The following SMIM5 variants were observed in gnomAD, a reference collection of about 807,000 sequenced individuals.
SMIM5 encodes the protein chromosome 17 open reading frame 109.
Under a neutral mutation model 4.0 loss-of-function variants are expected in SMIM5, and 4 were observed. The ratio of observed to expected loss-of-function variants is 1.01; its 90% CI spans 0.50 to 2.30. The LOEUF (loss-of-function observed/expected upper bound fraction) is 2.30. SMIM5 is among the 30% of genes most tolerant of loss of function. SMIM5 has a pLI of 0.02. For synonymous variants in SMIM5, 46 were observed against 43.6 expected, an observed-to-expected ratio of 1.05 and a Z score of -0.22; for missense variants, 107 against 99.2, an observed-to-expected ratio of 1.08 and a Z score of -0.34.
chr17:75,640,219 C>T lies in SMIM5; in HGVS notation c.18C>T (p.Phe6=), dbSNP rs758020883. MAATD[F]VQEMRAVGER... Reference sequence around the variant, plus strand: ...AGCGCGGCATGGCTGCCACCGACTTCGTGCAGGAGATGCGCGCCGTGGGCG... The same window carrying T: ...AGCGCGGCATGGCTGCCACCGACTTTGTGCAGGAGATGCGCGCCGTGGGCG... Residue 6 remains phenylalanine, a synonymous_variant, in exon 2 of 3, where the codon TTC becomes TTT. Coordinates refer to ENST00000375215, the MANE Select transcript of SMIM5 (RefSeq NM_001162995.3). This position sits in a 1 kb window ranked among gnomAD's most constrained non-coding sequence, Gnocchi z 4.6. The T allele has an allele frequency of 7.1e-5, 110 of 1,549,826 alleles. No homozygotes were observed. Among genetic ancestry groups the T allele is most frequent in the East Asian group, 3.2e-4 (13 of 40,900 alleles).
chr17:75,637,536 C>T (rs916711334), intron 1 of SMIM5: 9 of 152,358 alleles, frequency 5.9e-5, no homozygotes, highest in Non-Finnish European at 1.0e-4. Context: ...CCTGCTCCAC[C>T]TGGCCAGAGA....
In SMIM5 at chr17:75,636,870, C is replaced by T. The variant is rs2148269859; in HGVS notation, c.-37+2668C>T. The T allele has an allele frequency of 6.6e-6, 1 of 152,374 alleles. No individual in the cohort carries two copies. Among genetic ancestry groups the T allele is most frequent in the South Asian group, 2.1e-4 (1 of 4,830 alleles). 9.4% of individuals were successfully genotyped at this position (152,374 alleles called of 1,614,324 possible). On this transcript the variant is annotated intron_variant, in intron 1 of 2. Coordinates refer to ENST00000375215, the MANE Select transcript of SMIM5 (RefSeq NM_001162995.3). The surrounding 1 kb of genome is among the most constrained non-coding windows in gnomAD (Gnocchi z 5.4). The stretch of plus-strand genomic sequence containing the variant: ...CAGGATACCGTGAGTACCCCTGGGT[C>T]AGACCCTGGGGCTGGGTGAGGCTGG...
Position 75,640,050 on chromosome 17 carries a change from T to G in SMIM5, c.-36-116T>G. ...TGGAAGTCACCAGGGGTGCAATGTGTGAGACCTGACAAACTTGTTCTGCGG... is the reference window on the plus strand; with the variant it reads ...TGGAAGTCACCAGGGGTGCAATGTGGGAGACCTGACAAACTTGTTCTGCGG... On this transcript the variant is annotated intron_variant, in intron 1 of 2. Transcript: ENST00000375215. The surrounding 1 kb of genome is among the most constrained non-coding windows in gnomAD (Gnocchi z 4.6). The G allele has an allele frequency of 5.0e-5, 57 of 1,139,730 alleles. No individual in the cohort carries two copies. The highest frequency in any genetic ancestry group is 5.9e-5 in the Non-Finnish European group (49 of 835,066). 70.6% of individuals were successfully genotyped at this position (1,139,730 alleles called of 1,614,324 possible).
chr17:75,634,379 C>T (rs1413788858), intron 1 of SMIM5, among the ~76,000 whole-genome samples, 177 bp downstream of exon 1: 1 of 152,230 alleles, frequency 6.6e-6, no homozygotes, highest in African/African-American at 2.4e-5. Flanking sequence ...ACTCTCCCTG[C>T]TGCTGGGACC....
At position 75,640,913 on chromosome 17, in the gene SMIM5, T is replaced by C; in HGVS notation, c.*16T>C. 6.5e-7 allele frequency: 1 copy of C among 1,540,544 alleles called. No individual in the cohort carries two copies. The highest frequency in any genetic ancestry group is 8.7e-7 in the Non-Finnish European group (1 of 1,146,354). On this transcript the variant is annotated 3_prime_UTR_variant, in exon 3 of 3. Transcript: ENST00000375215. The surrounding 1 kb of genome is among the most constrained non-coding windows in gnomAD (Gnocchi z 4.6). ...ACCACCATGACGGACGGGCGATGGCTGAGGAGAAGCTGGAGAGGAGATGGC... is the reference window on the plus strand; with the variant it reads ...ACCACCATGACGGACGGGCGATGGCCGAGGAGAAGCTGGAGAGGAGATGGC...
intron 1 of SMIM5, chr17:75,639,385 AG>A (rs2059389372): frequency 6.6e-6 from 1 of 152,244 alleles, no homozygotes; most frequent in Non-Finnish European, 1.5e-5. Flanking sequence ...GAGAGGCAGA[AG>A]GGGAAAGCCT....
rs1472805890 is a variant in SMIM5 at position 75,641,250 on chromosome 17, C to T, written c.*353C>T. On this transcript the variant is annotated 3_prime_UTR_variant, in exon 3 of 3. Transcript: ENST00000375215. ...AGTCCCCACCTGTGGGCAATTGGCC[C>T]TTGGGGCTCTGCTGATACATGCCAA... 1 of 220,010 alleles carries T rather than the reference C, an allele frequency of 4.5e-6. No homozygotes were observed. The highest frequency in any genetic ancestry group is 9.3e-6 in the Non-Finnish European group (1 of 107,030). The allele number at this position is 220,010 out of a possible 1,614,324, so 13.6% of individuals were successfully genotyped here.
Position 75,640,144 on chromosome 17 carries a change from G to C in SMIM5, c.-36-22G>C. ...TGTGGGGCCAGCCGTGGAGGCTCCA[G>C]GTGTTCTCTCTGCCCCAGCAGAGCC... On this transcript the variant is annotated intron_variant, in intron 1 of 2. Coordinates refer to ENST00000375215, the MANE Select transcript of SMIM5 (RefSeq NM_001162995.3). This position sits in a 1 kb window ranked among gnomAD's most constrained non-coding sequence, Gnocchi z 4.6. 1 of 1,494,750 alleles carries C rather than the reference G, an allele frequency of 6.7e-7. No individual in the cohort carries two copies. Among genetic ancestry groups the C allele is most frequent in the Non-Finnish European group, 8.9e-7 (1 of 1,124,520 alleles). 92.6% of individuals were successfully genotyped at this position (1,494,750 alleles called of 1,614,324 possible).
At chr17:75,634,662 T>A (rs527454223) in intron 1 of SMIM5, among the ~76,000 whole-genome samples, 1 of 152,352 alleles carries the variant, frequency 6.6e-6, no homozygotes, top group Admixed American at 6.5e-5. Context: ...GCAGCAGGAC[T>A]CTGCCCATCT....
chr17:75,640,902 C>T lies in SMIM5; in HGVS notation c.*5C>T, dbSNP rs531373402. On this transcript the variant is annotated 3_prime_UTR_variant, in exon 3 of 3. Transcript: ENST00000375215. The surrounding 1 kb of genome is among the most constrained non-coding windows in gnomAD (Gnocchi z 4.6). ...GTGCAGCCGACACCACCATGACGGA[C>T]GGGCGATGGCTGAGGAGAAGCTGGA... The T allele has an allele frequency of 3.9e-5, 60 of 1,542,486 alleles. No homozygotes were observed. The highest frequency in any genetic ancestry group is 1.5e-4 in the South Asian group (13 of 84,052).
rs2059432007 is a variant in SMIM5, at chr17:75,641,359, A to G, written c.*462A>G. The stretch of plus-strand genomic sequence containing the variant: ...CAGAGCGTGAGCATGTCAGTATTCT[A>G]GTCCAGTATTTGCCAGTTTCCAAGT... On this transcript the variant is annotated 3_prime_UTR_variant, in exon 3 of 3. Coordinates refer to ENST00000375215, the MANE Select transcript of SMIM5 (RefSeq NM_001162995.3). The G allele has an allele frequency of 6.3e-6, 1 of 159,756 alleles. No homozygotes were observed. Among genetic ancestry groups the G allele is most frequent in the Non-Finnish European group, 1.4e-5 (1 of 72,150 alleles). 9.9% of individuals were successfully genotyped at this position (159,756 alleles called of 1,614,324 possible).
In SMIM5 at chr17:75,640,753, C is replaced by A. The variant is rs1276363753; in HGVS notation, c.128-38C>A. The A allele has an allele frequency of 1.3e-6, 2 of 1,540,326 alleles. No homozygotes were observed. Among genetic ancestry groups the A allele is most frequent in the South Asian group, 1.2e-5 (1 of 83,814 alleles). Reference sequence around the variant, plus strand: ...GAGGAGGGTGGGCATCCTTTCTCTCCCCCAACCTGAGTCCCGTGCTCTCTC... The same window carrying A: ...GAGGAGGGTGGGCATCCTTTCTCTCACCCAACCTGAGTCCCGTGCTCTCTC... On this transcript the variant is annotated intron_variant, in intron 2 of 2. Transcript: ENST00000375215. The surrounding 1 kb of genome is among the most constrained non-coding windows in gnomAD (Gnocchi z 4.6).
Position 75,640,007 on chromosome 17 carries a change from C to A in SMIM5, c.-36-159C>A. The stretch of plus-strand genomic sequence containing the variant: ...CTGAGCTGTGTCAGCTGGGTGGGGA[C>A]TGAGGGCCACCACTAGGTGGAAGTC... On this transcript the variant is annotated intron_variant, in intron 1 of 2. Coordinates refer to ENST00000375215, the MANE Select transcript of SMIM5 (RefSeq NM_001162995.3). This position sits in a 1 kb window ranked among gnomAD's most constrained non-coding sequence, Gnocchi z 4.6. The A allele has an allele frequency of 1.4e-6, 1 of 706,112 alleles. No homozygotes were observed. The highest frequency in any genetic ancestry group is 2.2e-6 in the Non-Finnish European group (1 of 449,684). The allele number at this position is 706,112 out of a possible 1,614,324, so 43.7% of individuals were successfully genotyped here. A position where few individuals can be genotyped will look rare whatever the true frequency, so the allele number is the denominator to read the frequency against.
intron 1 of SMIM5, chr17:75,637,429 T>G (rs752921628): frequency 2.0e-5 from 3 of 152,258 alleles, no homozygotes; most frequent in Non-Finnish European, 2.9e-5. Context: ...ACTGTCGGCA[T>G]TGTCGTCCCT....
chr17:75,640,988 A>G lies in SMIM5; in HGVS notation c.*91A>G. ...CCTGGCCCTGCAGCCCTTACCCCTCAAGACCAGGCTCCCCTGGCCCCAGCT... is the reference window on the plus strand; with the variant it reads ...CCTGGCCCTGCAGCCCTTACCCCTCGAGACCAGGCTCCCCTGGCCCCAGCT... On this transcript the variant is annotated 3_prime_UTR_variant, in exon 3 of 3. Coordinates refer to ENST00000375215, the MANE Select transcript of SMIM5 (RefSeq NM_001162995.3). The surrounding 1 kb of genome is among the most constrained non-coding windows in gnomAD (Gnocchi z 4.6). 1 of 1,499,488 alleles carries G rather than the reference A, an allele frequency of 6.7e-7. No individual in the cohort carries two copies. Among genetic ancestry groups the G allele is most frequent in the Non-Finnish European group, 8.9e-7 (1 of 1,121,234 alleles). 92.9% of individuals were successfully genotyped at this position (1,499,488 alleles called of 1,614,324 possible).
intron 1 of SMIM5, among the ~76,000 whole-genome samples, chr17:75,635,349 G>A (rs2059299972): frequency 6.6e-6 from 1 of 152,194 alleles, no homozygotes; most frequent in Non-Finnish European, 1.5e-5. Flanking sequence ...AGGCAGGCAG[G>A]TGGGGATCCC....
chr17:75,633,437 A>G lies in SMIM5; in HGVS notation c.-802A>G. On this transcript the variant is annotated 5_prime_UTR_variant, in exon 1 of 3. Coordinates refer to ENST00000375215, the MANE Select transcript of SMIM5 (RefSeq NM_001162995.3). Reference sequence around the variant, plus strand: ...ACAGCTGGGCCAGGAGTGCGGTCACAGCCCCAGCAGAAGGCCCTCACCTCA... The same window carrying G: ...ACAGCTGGGCCAGGAGTGCGGTCACGGCCCCAGCAGAAGGCCCTCACCTCA... The G allele has an allele frequency of 7.8e-7, 1 of 1,288,900 alleles. No homozygotes were observed. The highest frequency in any genetic ancestry group is 1.0e-6 in the Non-Finnish European group (1 of 988,454). 79.8% of individuals were successfully genotyped at this position (1,288,900 alleles called of 1,614,324 possible). A position where few individuals can be genotyped will look rare whatever the true frequency, so the allele number is the denominator to read the frequency against.
chr17:75,633,673 G>C lies in SMIM5; in HGVS notation c.-566G>C, dbSNP rs2059264038. The C allele has an allele frequency of 1.7e-6, 2 of 1,163,252 alleles. No homozygotes were observed. 72.1% of individuals were successfully genotyped at this position (1,163,252 alleles called of 1,614,324 possible). On this transcript the variant is annotated 5_prime_UTR_variant, in exon 1 of 3. Transcript: ENST00000375215. ...GAGGCCAGAGGGAGGGACCAGCCAG[G>C]GAGTGGCCAGAGGGACAGAAGGGGT... is the stretch of plus-strand genomic sequence containing the variant.
intron 1 of SMIM5, among the ~76,000 whole-genome samples, chr17:75,635,512 G>A (rs2059304511): frequency 1.3e-5 from 2 of 152,222 alleles, no homozygotes; most frequent in African/African-American, 4.8e-5. Context: ...CTCCCGCCCT[G>A]GGTGGCTACA....
Sources: allele counts gnomAD v4.1 joint callset (sites outside exome capture counted in the v4.1 genomes callset), GRCh38; gene constraint gnomAD v4.1.1; non-coding constraint Gnocchi (gnomAD v3.1); transcripts MANE v1.5; gene names NCBI Gene and HGNC (gene_info 2026-07-23, HGNC 2026-07-21).